UTP15: variants seen among roughly 807,000 people sequenced by gnomAD.
UTP15 encodes the protein UTP15 small subunit processome component.
A neutral mutation model predicts 59.1 loss-of-function variants in UTP15; 5 were observed. The observed-to-expected ratio is 0.08, with a 90% CI of 0.04 to 0.18. UTP15 has a LOEUF of 0.18. UTP15 is among the 10% of genes least tolerant of loss of function. The probability of loss-of-function intolerance (pLI) is 1.00; values close to 1 mark genes in which losing one functional copy is unlikely to be tolerated. For synonymous variants in UTP15, 211 were observed against 212.2 expected (o/e 0.99, Z 0.05); for missense variants, 494 against 616.7 (o/e 0.80, Z 2.11).
In UTP15 at chr5:73,568,478, A is replaced by G. The variant is rs931814046; in HGVS notation, c.242A>G (p.Asp81Gly). 1.2e-6 allele frequency: 2 copies of G among 1,613,978 alleles called. No individual in the cohort carries two copies. The highest frequency in any genetic ancestry group is 1.1e-5 in the South Asian group (1 of 91,056). ...ATAAAAACCTTTTCTCGATTTAAAG[A>G]CACAGCATACTGTGCTACTTTTCGA... is the stretch of plus-strand genomic sequence containing the variant. ...EPIKTFSRFKDTAYCATFRQD... is the reference protein window; with the variant it reads ...EPIKTFSRFKGTAYCATFRQD... Residue 81 changes from aspartate to glycine, a missense_variant, in exon 4 of 13, where the codon GAC becomes GGC. Asp to Gly is a moderately conservative substitution (Grantham distance 94, BLOSUM62 -1). Transcript: ENST00000296792.
At chr5:73,577,371 G>GA (rs893559283) in intron 8 of UTP15, among the ~76,000 whole-genome samples, 1 of 152,114 alleles carries the variant, frequency 6.6e-6, no homozygotes, top group African/African-American at 2.4e-5. Context: ...TCTCTGAGCA[G>GA]AAAAAAAGAT....
chr5:73,566,930 A>C (rs1747793832), intron 1 of UTP15, among the ~76,000 whole-genome samples: 1 of 152,210 alleles, frequency 6.6e-6, no homozygotes, highest in Admixed American at 6.5e-5. Context: ...GTTTCACCTT[A>C]ATATTTCCTG....
At chr5:73,573,063 T>G (rs548077927) in intron 7 of UTP15, among the ~76,000 whole-genome samples, 1 of 152,278 alleles carries the variant, frequency 6.6e-6, no homozygotes, top group Non-Finnish European at 1.5e-5. Flanking sequence ...CCCAAAGTGC[T>G]GGGATTACAG....
chr5:73,565,845 G>A lies in UTP15; in HGVS notation c.-151G>A, dbSNP rs1399195437. The stretch of plus-strand genomic sequence containing the variant: ...GCTGCTGAACTGTGCAGGGTAGGGA[G>A]CTGGCACAGTCCGATTAATTGTCCT... On this transcript the variant is annotated 5_prime_UTR_variant, in exon 1 of 13. Transcript: ENST00000296792. 2.2e-6 allele frequency: 1 copy of A among 456,192 alleles called. No homozygotes were observed. Among genetic ancestry groups the A allele is most frequent in the Non-Finnish European group, 4.4e-6 (1 of 226,976 alleles). The allele number at this position is 456,192 out of a possible 1,614,324, so 28.3% of individuals were successfully genotyped here.
chr5:73,579,235 A>G (rs2112060419), intron 11 of UTP15, 82 bp from the exon 12 acceptor site: 1 of 1,601,246 alleles, frequency 6.2e-7, no homozygotes, highest in Admixed American at 1.7e-5. Context: ...TGATCTTTGT[A>G]GAGAACTGAT....
Position 73,580,142 on chromosome 5 carries a change from G to C in UTP15, c.*48G>C. On this transcript the variant is annotated 3_prime_UTR_variant, in exon 13 of 13. Transcript: ENST00000296792. ...AGAACTCTGAAGTTGGAATAGATTT[G>C]ACTGTATTAAATGTTGGCGAGAGAC... 1 of 1,540,118 alleles carries C rather than the reference G, an allele frequency of 6.5e-7. No homozygotes were observed. The highest frequency in any genetic ancestry group is 8.9e-7 in the Non-Finnish European group (1 of 1,123,560).
At chr5:73,572,777 T>G (rs1747971369) in intron 7 of UTP15, among the ~76,000 whole-genome samples, 153 bp downstream of exon 7, 1 of 152,154 alleles carries the variant, frequency 6.6e-6, no homozygotes, top group African/African-American at 2.4e-5. Context: ...TTTGACCTTT[T>G]GTTTACATAT....
intron 4 of UTP15, among the ~76,000 whole-genome samples, 183 bp from the exon 5 acceptor site, chr5:73,569,314 T>A (rs1747868479): frequency 6.6e-6 from 1 of 152,182 alleles, no homozygotes; most frequent in South Asian, 2.1e-4. Flanking sequence ...GTATTTACAC[T>A]TCTTAATTGG....
rs35268325 is a variant in UTP15, at chr5:73,573,578, A to ATT, written c.809+969_809+970dup. Among the ~76,000 whole-genome samples, 327 of 135,284 alleles carry ATT rather than the reference A, an allele frequency of 2.4e-3. 3 individuals are homozygous for ATT. The highest frequency in any genetic ancestry group is 6.7e-3 in the African/African-American group (242 of 35,920). The allele number at this position is 135,284 out of a possible 152,430, so 88.8% of individuals were successfully genotyped here. A position where few individuals can be genotyped will look rare whatever the true frequency, so the allele number is the denominator to read the frequency against. On this transcript the variant is annotated intron_variant, in intron 7 of 12. Transcript: ENST00000296792. ...AGTTTTTTAAAAATTAGATAAATTAATTTTTTTTTTTTTTTTGAGATGACA... is the reference window on the plus strand; with the variant it reads ...AGTTTTTTAAAAATTAGATAAATTAATTTTTTTTTTTTTTTTTTGAGATGACA...
At chr5:73,574,692 G>T (rs2339697) in intron 7 of UTP15, among the ~76,000 whole-genome samples, 61,405 of 151,928 alleles carry the variant, frequency 0.4, 13,257 homozygotes, top group East Asian at 0.66. Flanking sequence ...TTGCCATGTT[G>T]CCGAGGCTGG....
At chr5:73,571,066 CATCTT>C (rs944827161) in intron 6 of UTP15, among the ~76,000 whole-genome samples, 1 of 151,936 alleles carries the variant, frequency 6.6e-6, no homozygotes, top group African/African-American at 2.4e-5. Context: ...AGCCCTGTGC[CATCTT>C]ATTTATTTAG....
Position 73,567,448 on chromosome 5 carries a change from G to A in UTP15, c.90+14G>A, listed in dbSNP as rs755834629. ...AACAACTATAAGGTGAGTGTGGGACGTAATGAGGGAGAAGGGATTTGTGTT... is the reference window on the plus strand; with the variant it reads ...AACAACTATAAGGTGAGTGTGGGACATAATGAGGGAGAAGGGATTTGTGTT... On this transcript the variant is annotated intron_variant, in intron 2 of 12. Transcript: ENST00000296792. 2.4e-5 allele frequency: 37 copies of A among 1,566,828 alleles called. No homozygotes were observed. The highest frequency in any genetic ancestry group is 6.8e-5 in the African/African-American group (5 of 73,056).
chr5:73,578,207 A>G (rs1479972839), intron 9 of UTP15: 2 of 515,188 alleles, frequency 3.9e-6, no homozygotes, highest in Non-Finnish European at 6.8e-6. Context: ...AATACTCTGC[A>G]TCATAACATA....
chr5:73,579,669 C>T (rs1471601442), intron 12 of UTP15, among the ~76,000 whole-genome samples: 1 of 151,846 alleles, frequency 6.6e-6, no homozygotes, highest in Admixed American at 6.6e-5. Flanking sequence ...GGAACTCCAC[C>T]CTATACTTTC....
intron 8 of UTP15, 91 bp from the exon 9 acceptor site, chr5:73,577,765 G>A: frequency 6.3e-6 from 7 of 1,105,802 alleles, no homozygotes; most frequent in Non-Finnish European, 9.0e-6. Context: ...GTATGGACAA[G>A]CAGCAAACAC....
rs544343130 is a variant in UTP15, at chr5:73,580,918, G to C, written c.*824G>C. ...TAAGCTACCTAATCCTCTGAAAACT[G>C]TTTTCTCTGATTTGTATTTAGATTC... On this transcript the variant is annotated 3_prime_UTR_variant, in exon 13 of 13. Coordinates refer to ENST00000296792, the MANE Select transcript of UTP15 (RefSeq NM_032175.4). 1 of 151,976 alleles carries C rather than the reference G, an allele frequency of 6.6e-6. No individual in the cohort carries two copies. Among genetic ancestry groups the C allele is most frequent in the Non-Finnish European group, 1.5e-5 (1 of 68,012 alleles). 9.4% of individuals were successfully genotyped at this position (151,976 alleles called of 1,614,324 possible).
rs2112065876 is a variant in UTP15 at position 73,581,414 on chromosome 5, C to A, written c.*1320C>A. 6.6e-6 allele frequency: 1 copy of A among 152,098 alleles called. No homozygotes were observed. Among genetic ancestry groups the A allele is most frequent in the South Asian group, 2.1e-4 (1 of 4,822 alleles). 9.4% of individuals were successfully genotyped at this position (152,098 alleles called of 1,614,324 possible). A position where few individuals can be genotyped will look rare whatever the true frequency, so the allele number is the denominator to read the frequency against. ...TCTTGGCTTTTTGATGTATCTGTTC[C>A]TGATAGATAATCATTGGCTAGTAAC... On this transcript the variant is annotated 3_prime_UTR_variant, in exon 13 of 13. Transcript: ENST00000296792.
Position 73,580,177 on chromosome 5 carries a change from T to C in UTP15, c.*83T>C, listed in dbSNP as rs1215321587. ...AATGTTGGCGAGAGACTCTCTTTGATACATTAAAAAAACTGTTTGCAGAAG... is the reference window on the plus strand; with the variant it reads ...AATGTTGGCGAGAGACTCTCTTTGACACATTAAAAAAACTGTTTGCAGAAG... On this transcript the variant is annotated 3_prime_UTR_variant, in exon 13 of 13. Transcript: ENST00000296792. 8.0e-7 allele frequency: 1 copy of C among 1,249,554 alleles called. No individual in the cohort carries two copies. The highest frequency in any genetic ancestry group is 1.5e-5 in the African/African-American group (1 of 65,400). 77.4% of individuals were successfully genotyped at this position (1,249,554 alleles called of 1,614,324 possible).
chr5:73,574,712 C>G (rs1748038135), intron 7 of UTP15, among the ~76,000 whole-genome samples: 1 of 152,116 alleles, frequency 6.6e-6, no homozygotes, highest in Admixed American at 6.5e-5. Flanking sequence ...GTCTCAAACT[C>G]CTGAGTTCAA....
Sources: allele counts gnomAD v4.1 joint callset (sites outside exome capture counted in the v4.1 genomes callset), GRCh38; gene constraint gnomAD v4.1.1; transcripts MANE v1.5; gene names NCBI Gene and HGNC (gene_info 2026-07-23, HGNC 2026-07-21).